The following ODAD2 variants were observed in gnomAD, a reference collection of about 807,000 sequenced individuals.
ODAD2 encodes the protein outer dynein arm-docking complex subunit 2.
ODAD2 carries 89 observed loss-of-function variants against 106.8 expected under a neutral mutation model. That is an observed-to-expected ratio of 0.83 (90% CI 0.70 to 0.99). ODAD2 has a LOEUF of 0.99. Among genes scored for constraint, ODAD2 ranks in the 50% least tolerant of loss-of-function variants. ODAD2 has a pLI of 0.00. For missense variants in ODAD2, 1,168 were observed against 1,238.5 expected, an observed-to-expected ratio of 0.94 and a Z score of 0.85; for synonymous variants, 404 against 436.2, an observed-to-expected ratio of 0.93 and a Z score of 0.92.
intron 9 of ODAD2, among the ~76,000 whole-genome samples, chr10:27,962,266 A>G (rs913486846): frequency 1.3e-5 from 2 of 152,244 alleles, no homozygotes; most frequent in Non-Finnish European, 2.9e-5. Context: ...ATTTACAGGT[A>G]TTTGAACTTA....
At chr10:27,949,826 A>T (rs1325886267) in intron 10 of ODAD2, among the ~76,000 whole-genome samples, 1 of 152,160 alleles carries the variant, frequency 6.6e-6, no homozygotes, top group African/African-American at 2.4e-5. Context: ...TTGGAGTAGG[A>T]GGGGAGGGTG....
intron 16 of ODAD2, among the ~76,000 whole-genome samples, chr10:27,924,536 C>A (rs182293026): frequency 1.1e-4 from 13 of 117,370 alleles, no homozygotes; most frequent in African/African-American, 4.1e-4. Context: ...AAGAACAGTA[C>A]ATCCAGTTAA....
At chr10:27,997,323 T>C (rs1437522957) in intron 1 of ODAD2, among the ~76,000 whole-genome samples, 1 of 152,214 alleles carries the variant, frequency 6.6e-6, no homozygotes, top group Non-Finnish European at 1.5e-5. Context: ...GTGAAATAAG[T>C]GCAAATAGCT....
At position 27,940,664 on chromosome 10, in the gene ODAD2, G is replaced by A. The variant is rs142598573; in HGVS notation, c.1885C>T (p.Arg629Cys). 26 of 1,614,040 alleles carry A rather than the reference G, an allele frequency of 1.6e-5. No individual in the cohort carries two copies. The East Asian group carries it at 1.8e-4, about 11-fold the overall frequency. ...SKSHTNKEAIRKAGGIPLLAR... is the reference protein window; with the variant it reads ...SKSHTNKEAICKAGGIPLLAR... ...AACAGAGGAATGCCCCCAGCTTTGC[G>A]GATGGCTTCTTTATTCGTATGACTC... The change falls in exon 13 of 20, where the codon CGC becomes TGC. Residue 629 changes from arginine to cysteine, a missense_variant. Arg to Cys is a radical substitution (Grantham distance 180). Coordinates refer to ENST00000305242, the MANE Select transcript of ODAD2 (RefSeq NM_018076.5).
chr10:27,963,381 C>A (rs1848274083), intron 9 of ODAD2, among the ~76,000 whole-genome samples: 3 of 152,162 alleles, frequency 2.0e-5, no homozygotes, highest in Admixed American at 1.3e-4. Context: ...TATCCCCATT[C>A]TACAAGCAAG....
intron 16 of ODAD2, among the ~76,000 whole-genome samples, chr10:27,910,376 G>A (rs116340948): frequency 0.02 from 3,007 of 152,156 alleles, 101 homozygotes; most frequent in African/African-American, 0.069. Context: ...CCAGAGCTCG[G>A]TATTTAAATT....
intron 17 of ODAD2, among the ~76,000 whole-genome samples, chr10:27,865,693 A>G (rs1840387869): frequency 6.6e-6 from 1 of 152,230 alleles, no homozygotes; most frequent in South Asian, 2.1e-4. Context: ...GTTAGTAGAT[A>G]CTCAACTAAC....
intron 16 of ODAD2, among the ~76,000 whole-genome samples, chr10:27,923,935 C>T (rs563691451): frequency 2.0e-5 from 2 of 101,060 alleles, no homozygotes; most frequent in South Asian, 3.3e-4. Context: ...TAGAGAGAGA[C>T]CCTGTCTAAT....
intron 12 of ODAD2, among the ~76,000 whole-genome samples, chr10:27,941,596 G>GCTTTTTT (rs1846440662): frequency 8.7e-6 from 1 of 114,934 alleles, no homozygotes; most frequent in Admixed American, 1.0e-4. Context: ...CCAGCATCCA[G>GCTTTTTT]TTTTTTTTTT....
chr10:27,996,620 A>G (rs1850572972), intron 1 of ODAD2, among the ~76,000 whole-genome samples: 1 of 152,216 alleles, frequency 6.6e-6, no homozygotes, highest in Non-Finnish European at 1.5e-5. Flanking sequence ...CTTTGCAAAA[A>G]TTGCAGAGTA....
chr10:27,947,871 A>G (rs532176595), intron 10 of ODAD2, among the ~76,000 whole-genome samples: 2 of 152,188 alleles, frequency 1.3e-5, no homozygotes, highest in African/African-American at 4.8e-5. Context: ...CGTGCTGAGG[A>G]CTTGCTTGAC....
intron 1 of ODAD2, among the ~76,000 whole-genome samples, chr10:27,997,908 G>A (rs1318903958): frequency 2.0e-5 from 3 of 152,130 alleles, no homozygotes; most frequent in African/African-American, 4.8e-5. Flanking sequence ...TAAGTTTAAA[G>A]ATTAAAAGGA....
At chr10:27,961,251 T>C (rs1224725942) in intron 10 of ODAD2, among the ~76,000 whole-genome samples, 1 of 152,152 alleles carries the variant, frequency 6.6e-6, no homozygotes, top group African/African-American at 2.4e-5. Flanking sequence ...AAGTCCAGCT[T>C]TAAAAATCCA....
chr10:27,997,214 CTTTAGA>C (rs924760837), intron 1 of ODAD2, among the ~76,000 whole-genome samples: 1 of 152,112 alleles, frequency 6.6e-6, no homozygotes, highest in African/African-American at 2.4e-5. Context: ...ATGAGAAATG[CTTTAGA>C]TTTAAACACA....
At chr10:27,843,195 A>C (rs979721930) in intron 19 of ODAD2, among the ~76,000 whole-genome samples, 2 of 152,222 alleles carry the variant, frequency 1.3e-5, no homozygotes, top group African/African-American at 4.8e-5. Context: ...TTTTTAAAAA[A>C]TAAGCTGAAG....
intron 6 of ODAD2, 125 bp downstream of exon 6, chr10:27,983,718 G>C (rs1849699920): frequency 7.5e-6 from 7 of 933,210 alleles, no homozygotes; most frequent in South Asian, 5.2e-5. Context: ...TATATCAAAG[G>C]AATCTGCTTC....
chr10:27,885,127 T>C (rs1589917739), intron 17 of ODAD2, among the ~76,000 whole-genome samples: 1 of 152,018 alleles, frequency 6.6e-6, no homozygotes, highest in South Asian at 2.1e-4. Context: ...ACAACTGTCT[T>C]AAGTATATTG....
chr10:27,939,436 C>T (rs1261464988), intron 14 of ODAD2, among the ~76,000 whole-genome samples: 2 of 152,242 alleles, frequency 1.3e-5, no homozygotes, highest in Non-Finnish European at 2.9e-5. Context: ...AAAATGCAGG[C>T]CGGGCACGGT....
intron 8 of ODAD2, among the ~76,000 whole-genome samples, chr10:27,969,507 G>A (rs1430371696): frequency 6.6e-6 from 1 of 152,294 alleles, no homozygotes; most frequent in Non-Finnish European, 1.5e-5. Flanking sequence ...AAACTCACTT[G>A]CCAGTTAAAA....
Sources: allele counts gnomAD v4.1 joint callset (sites outside exome capture counted in the v4.1 genomes callset), GRCh38; gene constraint gnomAD v4.1.1; transcripts MANE v1.5; gene names NCBI Gene and HGNC (gene_info 2026-07-23, HGNC 2026-07-21).